The following F10 variants were observed in gnomAD, a reference collection of about 807,000 sequenced individuals.
The protein encoded by F10 is coagulation factor X, also known as Stuart-Prower factor.
Under a neutral mutation model 37.1 loss-of-function variants are expected in F10, and 29 were observed. That is an observed-to-expected ratio of 0.78 (90% CI 0.58 to 1.07). The LOEUF (loss-of-function observed/expected upper bound fraction) is 1.07. Ranked by LOEUF, F10 falls within the 50% of genes least tolerant of loss-of-function variation. F10 has a pLI of 0.00. For missense variants in F10, 539 were observed against 667.9 expected (o/e 0.81, Z 2.13); for synonymous variants, 262 against 268.6 (o/e 0.98, Z 0.24).
intron 1 of F10, among the ~76,000 whole-genome samples, chr13:113,123,276 G>T (rs1016758960): frequency 1.3e-5 from 2 of 152,146 alleles, no homozygotes; most frequent in East Asian, 1.9e-4. Flanking sequence ...GAGAGGGAGG[G>T]GTTGGGGCAG....
Position 113,144,083 on chromosome 13 carries a change from G to A in F10, c.735G>A (p.Glu245=), listed in dbSNP as rs765368861. The A allele has an allele frequency of 2.5e-6, 4 of 1,613,810 alleles. No individual in the cohort carries two copies. The highest frequency in any genetic ancestry group is 1.7e-5 in the Admixed American group (1 of 60,010). Residue 245 remains glutamate, a synonymous_variant, in exon 6 of 8, where the codon GAG becomes GAA. Coordinates refer to ENST00000375559, the MANE Select transcript of F10 (RefSeq NM_000504.4). The surrounding 1 kb of genome is among the most constrained non-coding windows in gnomAD (Gnocchi z 6.4). ...IVGGQECKDG[E]CPWQALLINE... ...GAGGCCAGGAATGCAAGGACGGGGAGTGTCCCTGGCAGGTAACAGTAGGAT... is the reference window on the plus strand; with the variant it reads ...GAGGCCAGGAATGCAAGGACGGGGAATGTCCCTGGCAGGTAACAGTAGGAT...
chr13:113,133,857 A>G (rs557306239), intron 2 of F10, among the ~76,000 whole-genome samples: 1 of 152,378 alleles, frequency 6.6e-6, no homozygotes, highest in African/African-American at 2.4e-5. Context: ...TCTGGGGCAC[A>G]CATGACTGGC....
intron 2 of F10, among the ~76,000 whole-genome samples, chr13:113,133,182 A>G (rs2036448892): frequency 6.6e-6 from 1 of 152,144 alleles, no homozygotes; most frequent in Non-Finnish European, 1.5e-5. Context: ...CCACTTTAAT[A>G]AACTAGAAAA....
At chr13:113,148,553 A>G (rs961507283) in intron 7 of F10, among the ~76,000 whole-genome samples, 1 of 151,942 alleles carries the variant, frequency 6.6e-6, no homozygotes, top group Non-Finnish European at 1.5e-5. Context: ...TGGCACAACT[A>G]TTTTACACTC....
chr13:113,136,098 C>T (rs766132518), intron 2 of F10, among the ~76,000 whole-genome samples: 1 of 151,806 alleles, frequency 6.6e-6, no homozygotes, highest in Non-Finnish European at 1.5e-5. Context: ...GCCAACTCGC[C>T]AAAGAGGATA....
In F10 at chr13:113,128,121, G is replaced by A. The variant is rs573164996; in HGVS notation, c.71-1331G>A. 11 of 152,362 alleles carry A rather than the reference G, an allele frequency of 7.2e-5. No individual in the cohort carries two copies. In the South Asian group the frequency reaches 2.1e-3, roughly 29 times the overall value. The allele number at this position is 152,362 out of a possible 1,614,324, so 9.4% of individuals were successfully genotyped here. On this transcript the variant is annotated intron_variant, in intron 1 of 7. Transcript: ENST00000375559. ...CTCCACAGCCCCCAAAGTGCCTGAG[G>A]AAAGTGTTGATAAAGAAGCCAAACT... is the stretch of plus-strand genomic sequence containing the variant.
chr13:113,149,480 A>G lies in F10; in HGVS notation c.1430A>G (p.His477Arg). 1.2e-6 allele frequency: 2 copies of G among 1,613,290 alleles called. No individual in the cohort carries two copies. The highest frequency in any genetic ancestry group is 1.7e-6 in the Non-Finnish European group (2 of 1,180,034). Residue 477 changes from histidine (H) to arginine (R), a missense_variant, in exon 8 of 8, where the codon CAT becomes CGT. His to Arg is a conservative substitution (Grantham distance 29). Transcript: ENST00000375559. The surrounding 1 kb of genome is among the most constrained non-coding windows in gnomAD (Gnocchi z 7.5). The stretch of plus-strand genomic sequence containing the variant: ...AGGGGCTTGCCCAAGGCCAAGAGCC[A>G]TGCCCCGGAGGTCATAACGTCCTCT... ...KTRGLPKAKS[H>R]APEVITSSPL...
Position 113,141,791 on chromosome 13 carries a change from C to G in F10, c.502+741C>G, listed in dbSNP as rs751978466. ...ACAGCAACCCCACTCCCACTCATAGCTGGCCCGACCCGCAGCGTTGGCCTC... is the reference window on the plus strand; with the variant it reads ...ACAGCAACCCCACTCCCACTCATAGGTGGCCCGACCCGCAGCGTTGGCCTC... On this transcript the variant is annotated intron_variant, in intron 5 of 7. Coordinates refer to ENST00000375559, the MANE Select transcript of F10 (RefSeq NM_000504.4). This position sits in a 1 kb window ranked among gnomAD's most constrained non-coding sequence, Gnocchi z 5.4. Among the ~76,000 whole-genome samples the G allele has an allele frequency of 1.3e-5, 2 of 152,196 alleles. No homozygotes were observed. Among genetic ancestry groups the G allele is most frequent in the Non-Finnish European group, 2.9e-5 (2 of 68,030 alleles).
rs775591493 is a variant in F10, at chr13:113,148,897, T to G, written c.866-19T>G. The G allele has an allele frequency of 9.9e-6, 16 of 1,611,540 alleles. No individual in the cohort carries two copies. Among genetic ancestry groups the G allele is most frequent in the Non-Finnish European group, 1.3e-5 (15 of 1,178,454 alleles). On this transcript the variant is annotated intron_variant, in intron 7 of 7. Transcript: ENST00000375559. ...ATGTCCCTGGCTGAGCTGAGCACAG[T>G]CCCACTCGTCTGTCCCAGGGGACCG... is the stretch of plus-strand genomic sequence containing the variant.
chr13:113,126,774 A>G (rs2142248742), intron 1 of F10, among the ~76,000 whole-genome samples: 1 of 152,306 alleles, frequency 6.6e-6, no homozygotes, highest in South Asian at 2.1e-4. Context: ...CAGTTTGGGA[A>G]ACACTAAGCC....
Position 113,143,902 on chromosome 13 carries a change from C to T in F10, c.554C>T (p.Ala185Val). ...CTGGAACGCAGGAAGAGGTCAGTGGCCCAGGCCACCAGCAGCAGCGGGGAG... is the reference window on the plus strand; with the variant it reads ...CTGGAACGCAGGAAGAGGTCAGTGGTCCAGGCCACCAGCAGCAGCGGGGAG... ...QTLERRKRSV[A>V]QATSSSGEAP... Residue 185 changes from alanine (A) to valine (V), a missense_variant, in exon 6 of 8, where the codon GCC (alanine) becomes GTC (valine). Ala to Val is a moderately conservative substitution (Grantham distance 64). Transcript: ENST00000375559. This position sits in a 1 kb window ranked among gnomAD's most constrained non-coding sequence, Gnocchi z 6.8. The T allele has an allele frequency of 6.2e-7, 1 of 1,613,322 alleles. No individual in the cohort carries two copies. Among genetic ancestry groups the T allele is most frequent in the Middle Eastern group, 1.7e-4 (1 of 6,060 alleles).
chr13:113,123,998 A>C (rs1276508891), intron 1 of F10, among the ~76,000 whole-genome samples: 1 of 152,226 alleles, frequency 6.6e-6, no homozygotes, highest in Non-Finnish European at 1.5e-5. Flanking sequence ...GGATGAGATC[A>C]GCGTGGGTGG....
intron 1 of F10, among the ~76,000 whole-genome samples, chr13:113,124,166 C>T (rs944732625): frequency 8.6e-5 from 13 of 151,984 alleles, no homozygotes; most frequent in Admixed American, 2.0e-4. Flanking sequence ...GCCCTAAGCC[C>T]GGCCCGGGAC....
At position 113,143,906 on chromosome 13, in the gene F10, G is replaced by A; in HGVS notation, c.558G>A (p.Gln186=). 1 of 1,613,426 alleles carries A rather than the reference G, an allele frequency of 6.2e-7. No homozygotes were observed. Among genetic ancestry groups the A allele is most frequent in the Non-Finnish European group, 8.5e-7 (1 of 1,180,004 alleles). Residue 186 remains glutamine (Q), a synonymous_variant, in exon 6 of 8, where the codon CAG becomes CAA. Transcript: ENST00000375559. The surrounding 1 kb of genome is among the most constrained non-coding windows in gnomAD (Gnocchi z 6.8). ...AACGCAGGAAGAGGTCAGTGGCCCAGGCCACCAGCAGCAGCGGGGAGGCCC... is the reference window on the plus strand; with the variant it reads ...AACGCAGGAAGAGGTCAGTGGCCCAAGCCACCAGCAGCAGCGGGGAGGCCC... The part of the protein sequence containing the change: ...TLERRKRSVA[Q]ATSSSGEAPD...
intron 2 of F10, chr13:113,131,344 T>C (rs1054385673): frequency 1.3e-5 from 2 of 152,246 alleles, no homozygotes; most frequent in African/African-American, 4.8e-5. Context: ...CAGACTGTCA[T>C]GATCTCATTG....
chr13:113,130,508 G>C (rs1249056559), intron 2 of F10: 1 of 152,410 alleles, frequency 6.6e-6, no homozygotes, highest in Non-Finnish European at 1.5e-5. Context: ...GCCGAGAAGG[G>C]GGCCAAGCCG....
In F10 at chr13:113,143,701, GT is replaced by G; in HGVS notation, c.503-149del. 1.0e-5 allele frequency: 12 copies of G among 1,157,452 alleles called. No homozygotes were observed. The highest frequency in any genetic ancestry group is 7.3e-5 in the Admixed American group (3 of 41,140). 71.7% of individuals were successfully genotyped at this position (1,157,452 alleles called of 1,614,324 possible). On this transcript the variant is annotated intron_variant, in intron 5 of 7. Coordinates refer to ENST00000375559, the MANE Select transcript of F10 (RefSeq NM_000504.4). This position sits in a 1 kb window ranked among gnomAD's most constrained non-coding sequence, Gnocchi z 6.8. ...TGCAGATCCGACCCCTGCCGACGACGTGGGGCCTCGCCCTGCAAGCCCGCTG... is the reference window on the plus strand; with the variant it reads ...TGCAGATCCGACCCCTGCCGACGACGGGGGCCTCGCCCTGCAAGCCCGCTG...
In F10 at chr13:113,143,716, GCA is replaced by G; in HGVS notation, c.503-134_503-133del. On this transcript the variant is annotated intron_variant, in intron 5 of 7. Coordinates refer to ENST00000375559, the MANE Select transcript of F10 (RefSeq NM_000504.4). This position sits in a 1 kb window ranked among gnomAD's most constrained non-coding sequence, Gnocchi z 6.8. ...TGCCGACGACGTGGGGCCTCGCCCT[GCA>G]AGCCCGCTGCCCCTCCGGGTGCCCC... 7.6e-6 allele frequency: 10 copies of G among 1,312,336 alleles called. No individual in the cohort carries two copies. The highest frequency in any genetic ancestry group is 4.7e-5 in the South Asian group (3 of 64,108). The allele number at this position is 1,312,336 out of a possible 1,614,324, so 81.3% of individuals were successfully genotyped here. A position where few individuals can be genotyped will look rare whatever the true frequency, so the allele number is the denominator to read the frequency against.
rs765916051 is a variant in F10 at position 113,122,812 on chromosome 13, C to G, written c.-44C>G. On this transcript the variant is annotated 5_prime_UTR_variant, in exon 1 of 8. Coordinates refer to ENST00000375559, the MANE Select transcript of F10 (RefSeq NM_000504.4). ...AGCTGGGGCGTGGACTTTGCTCCAGCAGCCTGTCCCAGTGAGGACAGGGAC... is the reference window on the plus strand; with the variant it reads ...AGCTGGGGCGTGGACTTTGCTCCAGGAGCCTGTCCCAGTGAGGACAGGGAC... The G allele has an allele frequency of 6.2e-7, 1 of 1,601,154 alleles. No homozygotes were observed. Among genetic ancestry groups the G allele is most frequent in the South Asian group, 1.1e-5 (1 of 91,022 alleles).
Sources: gnomAD v4.1 joint callset for allele counts (sites outside exome capture counted in the v4.1 genomes callset) on GRCh38, gnomAD v4.1.1 for gene constraint, Gnocchi (gnomAD v3.1) non-coding constraint, MANE v1.5 for transcripts, NCBI Gene and HGNC (gene_info 2026-07-23, HGNC 2026-07-21) for gene names.